GRK3: variants seen among roughly 807,000 people sequenced by gnomAD.
The protein encoded by GRK3 is G protein-coupled receptor kinase 3, also known as adrenergic, beta, receptor kinase 2.
GRK3 carries 54 observed loss-of-function variants against 95.7 expected under a neutral mutation model. That is an observed-to-expected ratio of 0.56 (90% CI 0.45 to 0.71). GRK3 has a LOEUF of 0.71. GRK3 is among the 30% of genes least tolerant of loss of function. The pLI is 0.00. For synonymous variants in GRK3, 281 were observed against 290.8 expected (o/e 0.97, Z 0.34); for missense variants, 649 against 851.2 (o/e 0.76, Z 2.96).
At chr22:25,592,122 AG>A (rs1200411434) in intron 1 of GRK3, among the ~76,000 whole-genome samples, 1 of 152,232 alleles carries the variant, frequency 6.6e-6, no homozygotes, top group Non-Finnish European at 1.5e-5. Flanking sequence ...TGAGAATTCC[AG>A]TTACTCCATA....
At chr22:25,651,758 G>A (rs1285641341) in intron 3 of GRK3, among the ~76,000 whole-genome samples, 2 of 152,008 alleles carry the variant, frequency 1.3e-5, no homozygotes, top group African/African-American at 4.8e-5. Context: ...TGTATAGTAG[G>A]GATAAAACAC....
intron 2 of GRK3, among the ~76,000 whole-genome samples, chr22:25,608,075 A>T (rs1194508443): frequency 6.6e-6 from 1 of 152,162 alleles, no homozygotes; most frequent in Non-Finnish European, 1.5e-5. Context: ...GTGGGCTCAG[A>T]TGTGGTCGGT....
At chr22:25,667,833 T>G in intron 6 of GRK3, 33 bp downstream of exon 6, 1 of 1,293,082 alleles carries the variant, frequency 7.7e-7, no homozygotes, top group South Asian at 1.2e-5. Flanking sequence ...ATACACAATT[T>G]TTTATCATGT....
At chr22:25,652,470 A>C (rs573421283) in intron 3 of GRK3, among the ~76,000 whole-genome samples, 1 of 152,306 alleles carries the variant, frequency 6.6e-6, no homozygotes, top group African/African-American at 2.4e-5. Flanking sequence ...TAAAACAATA[A>C]TGTCGTGTTT....
chr22:25,572,007 T>G (rs1368388392), intron 1 of GRK3, among the ~76,000 whole-genome samples: 2 of 137,474 alleles, frequency 1.5e-5, no homozygotes, highest in Admixed American at 7.4e-5. Flanking sequence ...TCCCTACCCC[T>G]TCCCCCCGCC....
At chr22:25,680,572 G>T (rs1037480053) in intron 9 of GRK3, among the ~76,000 whole-genome samples, 1 of 152,160 alleles carries the variant, frequency 6.6e-6, no homozygotes, top group African/African-American at 2.4e-5. Context: ...TTTGACTCAG[G>T]TGAGAGGAGA....
chr22:25,646,150 A>T (rs2084780729), intron 3 of GRK3, among the ~76,000 whole-genome samples: 1 of 152,138 alleles, frequency 6.6e-6, no homozygotes, highest in South Asian at 2.1e-4. Context: ...AAGAAGCAAG[A>T]TCATGTGAAT....
intron 2 of GRK3, among the ~76,000 whole-genome samples, chr22:25,621,616 T>G (rs13058291): frequency 1.3e-5 from 2 of 152,246 alleles, no homozygotes; most frequent in Non-Finnish European, 2.9e-5. Context: ...AACTTTAGTC[T>G]TATACTTGGC....
In GRK3 at chr22:25,729,017, T is replaced by C. The variant is rs779496215; in HGVS notation, c.*6567T>C. On this transcript the variant is annotated 3_prime_UTR_variant, in exon 21 of 21. Coordinates refer to ENST00000324198, the MANE Select transcript of GRK3 (RefSeq NM_005160.4). ...GCCAGTAAACTAGATACTGTAAATCTAGATATTGTACCTAGACAAAATATC... is the reference window on the plus strand; with the variant it reads ...GCCAGTAAACTAGATACTGTAAATCCAGATATTGTACCTAGACAAAATATC... The C allele has an allele frequency of 3.3e-5, 5 of 152,252 alleles. No homozygotes were observed. The highest frequency in any genetic ancestry group is 5.9e-5 in the Non-Finnish European group (4 of 68,046). The allele number at this position is 152,252 out of a possible 1,614,324, so 9.4% of individuals were successfully genotyped here.
chr22:25,606,094 G>A (rs940985452), intron 2 of GRK3, among the ~76,000 whole-genome samples: 1 of 152,172 alleles, frequency 6.6e-6, no homozygotes. Context: ...CTGGCACCGG[G>A]AGACTCTGAC....
At chr22:25,703,673 A>T (rs549867862) in intron 14 of GRK3, 97 bp downstream of exon 14, 6 of 927,026 alleles carry the variant, frequency 6.5e-6, no homozygotes, top group Non-Finnish European at 8.2e-6. Flanking sequence ...ATGTTATAGG[A>T]AATATAAAAT....
At chr22:25,592,987 T>C (rs78410270) in intron 1 of GRK3, among the ~76,000 whole-genome samples, 3,448 of 152,252 alleles carry the variant, frequency 0.023, 62 homozygotes, top group Middle Eastern at 0.068. Context: ...GCAAAGGACA[T>C]GATTTCATTC....
At chr22:25,595,709 G>A (rs1281137679) in intron 1 of GRK3, among the ~76,000 whole-genome samples, 1 of 152,190 alleles carries the variant, frequency 6.6e-6, no homozygotes, top group Non-Finnish European at 1.5e-5. Flanking sequence ...CCACTTGGGA[G>A]GCTGAGGTGG....
intron 2 of GRK3, among the ~76,000 whole-genome samples, chr22:25,627,310 A>G (rs2084634935): frequency 6.6e-6 from 1 of 152,214 alleles, no homozygotes; most frequent in Admixed American, 6.5e-5. Context: ...ATAAATATTA[A>G]GTATTGGAAT....
At chr22:25,616,324 T>A (rs2084537970) in intron 2 of GRK3, among the ~76,000 whole-genome samples, 1 of 151,450 alleles carries the variant, frequency 6.6e-6, no homozygotes, top group Admixed American at 6.6e-5. Flanking sequence ...AAACTTACAG[T>A]CATGGCAGAA....
intron 6 of GRK3, among the ~76,000 whole-genome samples, chr22:25,671,305 A>C (rs1027348661): frequency 1.3e-5 from 2 of 152,246 alleles, no homozygotes; most frequent in African/African-American, 2.4e-5. Flanking sequence ...GCGCCACTGC[A>C]CTTCAGCCTG....
chr22:25,663,706 TA>T lies in GRK3; in HGVS notation c.441+4del, dbSNP rs759884829. Reference sequence around the variant, plus strand: ...CAAGTGACATCAACTCTTTTTCAGGTAAGATAAAATTATTCCAAAATAAATA... The same window carrying T: ...CAAGTGACATCAACTCTTTTTCAGGTAGATAAAATTATTCCAAAATAAATA... On this transcript the variant is annotated splice_donor_region_variant and intron_variant, in intron 5 of 20. Transcript: ENST00000324198. The T allele has an allele frequency of 6.3e-7, 1 of 1,597,098 alleles. No individual in the cohort carries two copies. The highest frequency in any genetic ancestry group is 8.6e-7 in the Non-Finnish European group (1 of 1,165,724).
At chr22:25,634,130 C>G (rs2084683451) in intron 2 of GRK3, among the ~76,000 whole-genome samples, 2 of 152,124 alleles carry the variant, frequency 1.3e-5, no homozygotes. Context: ...GATATAGAAT[C>G]TTAGAGTTGA....
intron 2 of GRK3, among the ~76,000 whole-genome samples, chr22:25,620,269 A>G (rs1360124850): frequency 6.6e-6 from 1 of 152,052 alleles, no homozygotes; most frequent in Non-Finnish European, 1.5e-5. Context: ...TGTCTTTCAC[A>G]TAGCCCGCGA....
Sources: gnomAD v4.1 joint callset for allele counts (sites outside exome capture counted in the v4.1 genomes callset) on GRCh38, gnomAD v4.1.1 for gene constraint, MANE v1.5 for transcripts, NCBI Gene and HGNC (gene_info 2026-07-23, HGNC 2026-07-21) for gene names.